CUZD1: variants seen among roughly 807,000 people sequenced by gnomAD.
CUZD1 encodes CUB and zona pellucida like domains 1.
Under a neutral mutation model 53.1 loss-of-function variants are expected in CUZD1, and 42 were observed. The observed-to-expected ratio is 0.79, with a 90% confidence interval of 0.62 to 1.02. CUZD1 has a LOEUF of 1.02. Ranked by LOEUF, CUZD1 falls within the 50% of genes least tolerant of loss-of-function variation. The pLI is 0.00. For missense variants in CUZD1, 670 were observed against 715.7 expected, an observed-to-expected ratio of 0.94 and a Z score of 0.73; for synonymous variants, 238 against 257.2, an observed-to-expected ratio of 0.93 and a Z score of 0.71.
At chr10:122,834,330 T>A (rs1847209637) in intron 7 of CUZD1, among the ~76,000 whole-genome samples, 1 of 152,344 alleles carries the variant, frequency 6.6e-6, no homozygotes, top group East Asian at 1.9e-4. Context: ...ACATATGTTT[T>A]ACTGATGGCG....
At position 122,833,862 on chromosome 10, in the gene CUZD1, G is replaced by C. The variant is rs748502093; in HGVS notation, c.1461C>G (p.Phe487Leu). Residue 487 changes from phenylalanine (F) to leucine (L), a missense_variant, in exon 8 of 9, where the codon TTC becomes TTG. Physicochemically the swap from Phe to Leu is conservative, Grantham distance 22 (BLOSUM62 0). Transcript: ENST00000392790. ...GATACACAGAGCTCATACTTCTCAA[G>C]AATTTAAAGGCATTAAACTGGAATC... is the stretch of plus-strand genomic sequence containing the variant. ...YGRFQFNAFK[F>L]LRSMSSVYLQ... 8 of 1,613,912 alleles carry C rather than the reference G, an allele frequency of 5.0e-6. No individual in the cohort carries two copies. In the East Asian group the frequency reaches 1.8e-4, roughly 36 times the overall value.
chr10:122,842,972 A>G (rs1353871107), intron 1 of CUZD1, among the ~76,000 whole-genome samples: 1 of 152,200 alleles, frequency 6.6e-6, no homozygotes, highest in Non-Finnish European at 1.5e-5. Context: ...AAGTGTTGAC[A>G]AGGACATGGA....
chr10:122,836,399 G>T, intron 5 of CUZD1, 49 bp from the exon 6 acceptor site: 14 of 1,456,090 alleles, frequency 9.6e-6, no homozygotes, highest in South Asian at 1.4e-5. Context: ...ATGCCAGCTA[G>T]GAATGTTGGA....
At position 122,832,412 on chromosome 10, in the gene CUZD1, G is replaced by A. The variant is rs1163273628; in HGVS notation, c.1690C>T (p.Gln564Ter). Residue 564 changes from glutamine (Q) to a stop codon, truncating the protein, a stop_gained, in exon 9 of 9, where the codon CAG becomes TAG. Coordinates refer to ENST00000392790, the MANE Select transcript of CUZD1 (RefSeq NM_022034.6). LOFTEE classifies it low-confidence loss of function (END_TRUNC). ...HETHAEETPN[Q>*]PFNSVHLFSF... is the part of the protein sequence containing the mutation. ...AACAGATGCACACTGTTGAAAGGCT[G>A]GTTTGGAGTTTCTTCCGCATGTGTT... is the stretch of plus-strand genomic sequence containing the variant. The A allele has an allele frequency of 6.2e-7, 1 of 1,613,710 alleles. No individual in the cohort carries two copies. Among genetic ancestry groups the A allele is most frequent in the Admixed American group, 1.7e-5 (1 of 59,976 alleles).
At chr10:122,839,817 C>T (rs1847309419) in intron 2 of CUZD1, among the ~76,000 whole-genome samples, 1 of 152,132 alleles carries the variant, frequency 6.6e-6, no homozygotes, top group Non-Finnish European at 1.5e-5. Flanking sequence ...GGACATATGT[C>T]CAAAATTATA....
rs1462190726 is a variant in CUZD1 at position 122,845,840 on chromosome 10, C to T, written c.4G>A (p.Glu2Lys). M[E>K]LVRRLMPLTL... ...AATGGCATGAGCCTTCTTACAAGCT[C>T]CATTTTGGCAAGGCGCTGGGCAGCC... The change falls in exon 1 of 9, where the codon GAG (glutamate) becomes AAG (lysine). Residue 2 changes from glutamate to lysine, a missense_variant. By Grantham distance (56) the Glu-to-Lys change is moderately conservative. Transcript: ENST00000392790. 2 of 1,613,692 alleles carry T rather than the reference C, an allele frequency of 1.2e-6. No homozygotes were observed. The highest frequency in any genetic ancestry group is 1.7e-6 in the Non-Finnish European group (2 of 1,179,904).
In CUZD1 at chr10:122,835,084, G is replaced by A; in HGVS notation, c.1004C>T (p.Ser335Leu). ...GGTGATTATATTGGTGTAAGTAATT[G>A]ACTGATCTTCTACCTGCAGAACGAG... is the stretch of plus-strand genomic sequence containing the variant. ...CGTIRKVEDQ[S>L]ITYTNIITFS... The change falls in exon 7 of 9, where the codon TCA (serine) becomes TTA (leucine). Residue 335 changes from serine to leucine, a missense_variant. Coordinates refer to ENST00000392790, the MANE Select transcript of CUZD1 (RefSeq NM_022034.6). 1.3e-6 allele frequency: 2 copies of A among 1,567,622 alleles called. No individual in the cohort carries two copies. Among genetic ancestry groups the A allele is most frequent in the East Asian group, 4.5e-5 (2 of 44,270 alleles).
At chr10:122,841,350 A>T (rs1050911949) in intron 1 of CUZD1, 22 bp from the exon 2 acceptor site, 1 of 1,574,926 alleles carries the variant, frequency 6.3e-7, no homozygotes, top group African/African-American at 1.4e-5. Context: ...CACAGATGGC[A>T]CTCAGGAAAG....
intron 2 of CUZD1, among the ~76,000 whole-genome samples, 187 bp from the exon 3 acceptor site, chr10:122,839,418 T>C (rs1021702077): frequency 9.9e-5 from 15 of 152,232 alleles, no homozygotes; most frequent in African/African-American, 3.6e-4. Flanking sequence ...TCAACTTTAA[T>C]GGGCTCAGGG....
At chr10:122,835,914 G>T (rs1055364842) in intron 6 of CUZD1, among the ~76,000 whole-genome samples, 2 of 152,082 alleles carry the variant, frequency 1.3e-5, no homozygotes, top group Non-Finnish European at 2.9e-5. Flanking sequence ...ATAGATGTTC[G>T]AACTCTCTTT....
Position 122,845,724 on chromosome 10 carries a change from C to G in CUZD1, c.82+38G>C, listed in dbSNP as rs762373576. On this transcript the variant is annotated intron_variant, in intron 1 of 8. Coordinates refer to ENST00000392790, the MANE Select transcript of CUZD1 (RefSeq NM_022034.6). ...AAGAGGCCTCTTAAGAGAAGAACTT[C>G]TCTGTTTTGGTGAATAAATCTGGTT... 4.4e-6 allele frequency: 7 copies of G among 1,588,348 alleles called. No homozygotes were observed. The Admixed American group carries it at 6.8e-5, about 15-fold the overall frequency.
In CUZD1 at chr10:122,841,327, G is replaced by A; in HGVS notation, c.84C>T (p.Gly28=). The A allele has an allele frequency of 3.1e-6, 5 of 1,594,426 alleles. No homozygotes were observed. The highest frequency in any genetic ancestry group is 4.3e-6 in the Non-Finnish European group (5 of 1,171,308). The change falls in exon 2 of 9, where the codon GGC becomes GGT. Residue 28 remains glycine, a splice_region_variant and synonymous_variant. Transcript: ENST00000392790. ...LAELTMAEAE[G]NASCTVSLGG... is the part of the protein sequence containing the mutation. ...CTAGACTGACTGTGCAGCTTGCATT[G>A]CCTGTTAGAGATCACAGATGGCACT...
Position 122,832,307 on chromosome 10 carries a change from A to G in CUZD1, c.1795T>C (p.Tyr599His). Residue 599 changes from tyrosine (Y) to histidine (H), a missense_variant, in exon 9 of 9, where the codon TAC becomes CAC. By Grantham distance (83) the Tyr-to-His change is moderately conservative. Coordinates refer to ENST00000392790, the MANE Select transcript of CUZD1 (RefSeq NM_022034.6). ...TAGTTCTGCAGCTTCTGGTATTTGT[A>G]GTCTGCCCGTTGATTTACAAAATGC... The part of the protein sequence containing the change: ...VRHFVNQRAD[Y>H]KYQKLQNY The G allele has an allele frequency of 6.2e-7, 1 of 1,614,078 alleles. No individual in the cohort carries two copies.
In CUZD1 at chr10:122,835,038, A is replaced by G. The variant is rs181092884; in HGVS notation, c.1050T>C (p.Ser350=). The change falls in exon 7 of 9, where the codon TCT becomes TCC. Residue 350 remains serine, a synonymous_variant. Coordinates refer to ENST00000392790, the MANE Select transcript of CUZD1 (RefSeq NM_022034.6). ...NIITFSASST[S]EVITRQKQLQ... ...GTTGTTTCTGACGGGTGATCACTTC[A>G]GAAGTTGAGGATGCAGAAAAGGTGA... 5 of 1,611,518 alleles carry G rather than the reference A, an allele frequency of 3.1e-6. No homozygotes were observed. In the East Asian group the frequency reaches 1.1e-4, roughly 36 times the overall value.
intron 3 of CUZD1, 28 bp from the exon 4 acceptor site, chr10:122,837,582 A>G (rs758937685): frequency 6.5e-7 from 1 of 1,530,526 alleles, no homozygotes; most frequent in Admixed American, 2.2e-5. Context: ...GTGGTCAAGA[A>G]TGAACATCAA....
intron 1 of CUZD1, among the ~76,000 whole-genome samples, chr10:122,842,100 C>T (rs962529878): frequency 4.6e-5 from 7 of 152,092 alleles, no homozygotes; most frequent in Non-Finnish European, 7.4e-5. Flanking sequence ...GTGTCTTTCC[C>T]AAAACAAAAG....
At position 122,834,767 on chromosome 10, in the gene CUZD1, T is replaced by A. The variant is rs1591709440; in HGVS notation, c.1321A>T (p.Thr441Ser). 6.2e-7 allele frequency: 1 copy of A among 1,613,600 alleles called. No homozygotes were observed. The highest frequency in any genetic ancestry group is 1.3e-5 in the African/African-American group (1 of 74,884). ...TCAGAGGTGGGAGAGGCTCTACAGG[T>A]ATCAAGAAACACCACCAAATTTGGA... ...SDPNLVVFLDTCRASPTSDFA... is the reference protein window; with the variant it reads ...SDPNLVVFLDSCRASPTSDFA... Residue 441 changes from threonine to serine, a missense_variant, in exon 7 of 9, where the codon ACC becomes TCC. Transcript: ENST00000392790.
At chr10:122,845,704 G>C in intron 1 of CUZD1, 58 bp downstream of exon 1, 2 of 1,464,346 alleles carry the variant, frequency 1.4e-6, no homozygotes, top group Non-Finnish European at 1.9e-6. Context: ...TTTGAAAGAG[G>C]CCTCTTAAGA....
chr10:122,841,115 CT>C, intron 2 of CUZD1, 62 bp downstream of exon 2: 2 of 1,489,400 alleles, frequency 1.3e-6, no homozygotes, highest in Non-Finnish European at 1.8e-6. Flanking sequence ...GAGAGTCCCC[CT>C]ACCCACCCCA....
Sources: allele counts gnomAD v4.1 joint callset (sites outside exome capture counted in the v4.1 genomes callset), GRCh38; gene constraint gnomAD v4.1.1; transcripts MANE v1.5; gene names NCBI Gene and HGNC (gene_info 2026-07-23, HGNC 2026-07-21).